CHD9: variants seen among roughly 807,000 people sequenced by gnomAD.
The protein encoded by CHD9 is ATP-dependent chromatin remodeler CHD9.
In CHD9, 77 loss-of-function variants were observed where a neutral mutation model predicts 316.1. The ratio of observed to expected loss-of-function variants is 0.24; its 90% CI spans 0.20 to 0.29. The LOEUF (loss-of-function observed/expected upper bound fraction) is 0.29. CHD9 is among the 10% of genes least tolerant of loss of function. CHD9 has a pLI of 1.00. For synonymous variants in CHD9, 1,129 were observed against 1,158.3 expected, an observed-to-expected ratio of 0.97 and a Z score of 0.51; for missense variants, 2,763 against 3,438.1, an observed-to-expected ratio of 0.80 and a Z score of 4.91.
chr16:53,091,003 C>CT (rs993855415), intron 1 of CHD9, among the ~76,000 whole-genome samples: 3 of 144,310 alleles, frequency 2.1e-5, no homozygotes, highest in African/African-American at 5.8e-5. Flanking sequence ...AACAGCTCAC[C>CT]CCCCCCCGAC....
intron 37 of CHD9, chr16:53,319,886 A>T: frequency 8.9e-7 from 1 of 1,123,914 alleles, no homozygotes; most frequent in Non-Finnish European, 1.1e-6. Context: ...GAGGGCCTCC[A>T]TTTTCAATAG....
intron 27 of CHD9, among the ~76,000 whole-genome samples, chr16:53,288,393 T>C (rs1036045770): frequency 6.6e-6 from 1 of 152,210 alleles, no homozygotes; most frequent in Non-Finnish European, 1.5e-5. Context: ...AGATAGAGGG[T>C]AGAGCATCAA....
chr16:53,132,485 G>A (rs2039399860), intron 1 of CHD9, among the ~76,000 whole-genome samples: 1 of 152,200 alleles, frequency 6.6e-6, no homozygotes, highest in African/African-American at 2.4e-5. Flanking sequence ...GATAACTGTA[G>A]AAGTAGTTTT....
intron 1 of CHD9, chr16:53,130,800 G>T (rs1339319029): frequency 3.3e-5 from 5 of 151,872 alleles, no homozygotes; most frequent in Admixed American, 3.3e-4. Context: ...AGCCCGACGC[G>T]GCTGGAGCCG....
intron 37 of CHD9, among the ~76,000 whole-genome samples, chr16:53,320,198 T>TAAA (rs558919362): frequency 1.6e-5 from 2 of 126,908 alleles, no homozygotes; most frequent in African/African-American, 5.9e-5. Context: ...TGAGTCTCTT[T>TAAA]AAAAAAAAAA....
Position 53,315,021 on chromosome 16 carries a change from G to A in CHD9, c.7561G>A (p.Glu2521Lys), listed in dbSNP as rs200047123. The A allele has an allele frequency of 3.9e-5, 63 of 1,613,582 alleles. No individual in the cohort carries two copies. Among genetic ancestry groups the A allele is most frequent in the Non-Finnish European group, 5.1e-5 (60 of 1,179,660 alleles). Residue 2521 changes from glutamate (E) to lysine (K), a missense_variant, in exon 36 of 39, where the codon GAA (glutamate) becomes AAA (lysine). Around this residue, in one of 15 missense-constraint regions of CHD9, gnomAD observed 663 missense variants for 751.2 expected, o/e 0.88. Coordinates refer to ENST00000447540, the MANE Select transcript of CHD9 (RefSeq NM_001308319.2). ...KWLKEHPGYV[E>K]DLGAFIPRMQ... is the part of the protein sequence containing the mutation. ...GCTTAAGGAGCACCCGGGTTATGTG[G>A]AAGATTTGGGAGCTTTTATTCCTGT... is the stretch of plus-strand genomic sequence containing the variant.
At chr16:53,113,665 A>T (rs943833869) in intron 1 of CHD9, among the ~76,000 whole-genome samples, 3 of 151,902 alleles carry the variant, frequency 2.0e-5, no homozygotes, top group African/African-American at 7.3e-5. Flanking sequence ...GACTTCCAGG[A>T]TGAGCCTAGT....
chr16:53,199,518 GTGGTGAAGTT>G (rs2152844061), intron 2 of CHD9, among the ~76,000 whole-genome samples: 1 of 152,204 alleles, frequency 6.6e-6, no homozygotes, highest in South Asian at 2.1e-4. Context: ...TATTTGAATA[GTGGTGAAGTT>G]TGGGCATTTA....
rs550660150 is a variant in CHD9 at position 53,101,158 on chromosome 16, A to G, written c.-165+46081A>G. ...CTTGTTTACACATTACCGACAGATTAGGTGTACATCATCTTATTCCTTTAT... is the reference window on the plus strand; with the variant it reads ...CTTGTTTACACATTACCGACAGATTGGGTGTACATCATCTTATTCCTTTAT... On this transcript the variant is annotated intron_variant, in intron 1 of 38. Coordinates refer to ENST00000447540, the MANE Select transcript of CHD9 (RefSeq NM_001308319.2). Among the ~76,000 whole-genome samples, 244 of 152,282 alleles carry G rather than the reference A, an allele frequency of 1.6e-3. 1 individual carries two copies. Among genetic ancestry groups the G allele is most frequent in the African/African-American group, 5.8e-3 (239 of 41,558 alleles).
At chr16:53,183,734 C>G (rs2043730137) in intron 2 of CHD9, among the ~76,000 whole-genome samples, 1 of 151,882 alleles carries the variant, frequency 6.6e-6, no homozygotes, top group South Asian at 2.1e-4. Context: ...GGCAACATAG[C>G]AAGACCCTGT....
chr16:53,094,921 G>C (rs1284836195), intron 1 of CHD9, among the ~76,000 whole-genome samples: 1 of 152,196 alleles, frequency 6.6e-6, no homozygotes, highest in Non-Finnish European at 1.5e-5. Context: ...TTACAGGCGT[G>C]AGCCACCGCG....
chr16:53,315,098 C>A, intron 36 of CHD9, 54 bp downstream of exon 36: 2 of 1,272,590 alleles, frequency 1.6e-6, no homozygotes, highest in Non-Finnish European at 2.2e-6. Context: ...GTTGTCAGAT[C>A]TATCATGATG....
intron 1 of CHD9, among the ~76,000 whole-genome samples, chr16:53,103,670 A>C (rs2037080696): frequency 6.6e-6 from 1 of 152,212 alleles, no homozygotes; most frequent in South Asian, 2.1e-4. Flanking sequence ...TATCTATCTC[A>C]TCCTAAAGAT....
chr16:53,163,766 A>G (rs1421691522), intron 2 of CHD9, among the ~76,000 whole-genome samples: 1 of 152,216 alleles, frequency 6.6e-6, no homozygotes, highest in Admixed American at 6.5e-5. Context: ...ATATCTTCAT[A>G]TTTTTATCGC....
At position 53,157,204 on chromosome 16, in the gene CHD9, G is replaced by A. The variant is rs200765826; in HGVS notation, c.1115G>A (p.Gly372Asp). 1.9e-6 allele frequency: 3 copies of A among 1,605,342 alleles called. No homozygotes were observed. Among genetic ancestry groups the A allele is most frequent in the Admixed American group, 3.4e-5 (2 of 58,460 alleles). Residue 372 changes from glycine (G) to aspartate (D), a missense_variant, in exon 2 of 39, where the codon GGC (glycine) becomes GAC (aspartate). By Grantham distance (94) the Gly-to-Asp change is moderately conservative (BLOSUM62 -1). This residue lies in a region of CHD9 where 859 missense variants were observed against 890.4 expected (regional missense o/e 0.96). Transcript: ENST00000447540. ...PDPVDSGTQM[G>D]HFNDHVETNG... ...CCTGTTGACTCAGGAACTCAAATGG[G>A]CCATTTCAATGATCATGTAGAAACT...
intron 38 of CHD9, among the ~76,000 whole-genome samples, chr16:53,322,902 A>G (rs886950874): frequency 6.6e-6 from 1 of 152,202 alleles, no homozygotes; most frequent in African/African-American, 2.4e-5. Flanking sequence ...GAATGTTGAG[A>G]TGATGGATGA....
chr16:53,279,155 T>C (rs4310845), intron 24 of CHD9, among the ~76,000 whole-genome samples: 1 of 152,132 alleles, frequency 6.6e-6, no homozygotes, highest in African/African-American at 2.4e-5. Context: ...GTGGCACATA[T>C]ACACCATGGA....
chr16:53,274,705 G>A (rs368982633), intron 24 of CHD9, among the ~76,000 whole-genome samples: 3 of 151,802 alleles, frequency 2.0e-5, no homozygotes, highest in Non-Finnish European at 2.9e-5. Flanking sequence ...TGATCCATCC[G>A]CCTTGGCCCC....
chr16:53,116,603 G>A (rs1478014073), intron 1 of CHD9, among the ~76,000 whole-genome samples: 1 of 152,132 alleles, frequency 6.6e-6, no homozygotes, highest in African/African-American at 2.4e-5. Context: ...TGGAGAGATA[G>A]GAACGTTTTT....
Sources: gnomAD v4.1 joint callset for allele counts (sites outside exome capture counted in the v4.1 genomes callset) on GRCh38, gnomAD v4.1.1 for gene constraint, gnomAD v4.1.1 regional missense constraint, MANE v1.5 for transcripts, NCBI Gene and HGNC (gene_info 2026-07-23, HGNC 2026-07-21) for gene names.